Variants in WDFY2 observed in about 807,000 individuals in gnomAD.
WDFY2 encodes the protein WD repeat and FYVE domain containing 2.
In WDFY2, 36 loss-of-function variants were observed where a neutral mutation model predicts 56.4. That is an observed-to-expected ratio of 0.64 (90% confidence interval 0.49 to 0.84). WDFY2 has a LOEUF of 0.84. Ranked by LOEUF, WDFY2 falls within the 40% of genes least tolerant of loss-of-function variation. WDFY2 has a pLI of 0.00. For synonymous variants in WDFY2, 176 were observed against 183.7 expected, an observed-to-expected ratio of 0.96 and a Z score of 0.34; for missense variants, 444 against 512.2, an observed-to-expected ratio of 0.87 and a Z score of 1.29.
At chr13:51,734,496 T>G (rs1379256939) in intron 6 of WDFY2, among the ~76,000 whole-genome samples, 4 of 152,210 alleles carry the variant, frequency 2.6e-5, no homozygotes, top group Non-Finnish European at 5.9e-5. Flanking sequence ...GTAGTATACA[T>G]TGTATAATTA....
At chr13:51,669,679 T>C (rs992425639) in intron 2 of WDFY2, among the ~76,000 whole-genome samples, 19 of 152,102 alleles carry the variant, frequency 1.2e-4, no homozygotes, top group African/African-American at 3.9e-4. Context: ...TTGGGGAAAA[T>C]ATAGGAAGCT....
chr13:51,704,194 C>G (rs886339192), intron 4 of WDFY2, among the ~76,000 whole-genome samples: 1 of 152,150 alleles, frequency 6.6e-6, no homozygotes, highest in African/African-American at 2.4e-5. Context: ...TCTTGACTCG[C>G]CTTTAATGAG....
rs978101999 is a variant in WDFY2 at position 51,669,721 on chromosome 13, G to A, written c.206-5449G>A. Among the ~76,000 whole-genome samples, 9 of 152,116 alleles carry A rather than the reference G, an allele frequency of 5.9e-5. No individual in the cohort carries two copies. In the East Asian group the frequency reaches 1.7e-3, roughly 29 times the overall value. Reference sequence around the variant, plus strand: ...TAACATCAACAAAACCAGTAGCAAGGCCTTGAATTTCAGTTATTGGGTTAG... The same window carrying A: ...TAACATCAACAAAACCAGTAGCAAGACCTTGAATTTCAGTTATTGGGTTAG... On this transcript the variant is annotated intron_variant, in intron 2 of 11. Transcript: ENST00000298125.
chr13:51,650,151 T>A (rs1955346422), intron 1 of WDFY2, among the ~76,000 whole-genome samples: 1 of 152,048 alleles, frequency 6.6e-6, no homozygotes, highest in Admixed American at 6.5e-5. Context: ...GTAAGTTGGA[T>A]TCCTAGGTAT....
chr13:51,758,884 G>A (rs1268748644), intron 11 of WDFY2, among the ~76,000 whole-genome samples: 1 of 152,144 alleles, frequency 6.6e-6, no homozygotes, highest in Non-Finnish European at 1.5e-5. Flanking sequence ...TTGAGAGGAA[G>A]TTTAAAATAA....
intron 3 of WDFY2, among the ~76,000 whole-genome samples, chr13:51,698,181 T>C (rs1951915682): frequency 6.6e-6 from 1 of 152,216 alleles, no homozygotes; most frequent in South Asian, 2.1e-4. Context: ...CTTTGCTATC[T>C]TTAAACCAGA....
chr13:51,714,089 T>G (rs531705302), intron 4 of WDFY2, among the ~76,000 whole-genome samples: 1 of 152,042 alleles, frequency 6.6e-6, no homozygotes, highest in African/African-American at 2.4e-5. Flanking sequence ...AACTGTATAC[T>G]TCAGTTGTAA....
At chr13:51,711,319 C>T (rs1479610418) in intron 4 of WDFY2, among the ~76,000 whole-genome samples, 1 of 152,258 alleles carries the variant, frequency 6.6e-6, no homozygotes, top group East Asian at 1.9e-4. Flanking sequence ...AACGTTAGAC[C>T]TAAAACCATA....
At chr13:51,678,910 C>T (rs182715070) in intron 3 of WDFY2, among the ~76,000 whole-genome samples, 8 of 152,016 alleles carry the variant, frequency 5.3e-5, no homozygotes, top group Admixed American at 3.3e-4. Flanking sequence ...TCCCTGAATA[C>T]GAACTGGATT....
chr13:51,699,193 C>G (rs1183905287), intron 3 of WDFY2, among the ~76,000 whole-genome samples: 2 of 152,168 alleles, frequency 1.3e-5, no homozygotes, highest in African/African-American at 4.8e-5. Context: ...GGTGGTACAA[C>G]TTTCTACACG....
chr13:51,607,244 C>G (rs1954400205), intron 1 of WDFY2, among the ~76,000 whole-genome samples: 1 of 152,138 alleles, frequency 6.6e-6, no homozygotes. Context: ...AGTGAGTTGT[C>G]TAGGGGAGGC....
At chr13:51,663,557 G>A (rs976758587) in intron 2 of WDFY2, among the ~76,000 whole-genome samples, 2 of 152,136 alleles carry the variant, frequency 1.3e-5, no homozygotes, top group Admixed American at 6.5e-5. Flanking sequence ...GGAATCTTAC[G>A]CATTCAGATG....
intron 4 of WDFY2, among the ~76,000 whole-genome samples, chr13:51,713,309 T>C (rs546523011): frequency 2.0e-5 from 3 of 152,326 alleles, no homozygotes; most frequent in African/African-American, 7.2e-5. Context: ...TAATACAGTG[T>C]CGGATTAACA....
At chr13:51,705,599 G>A (rs1330530962) in intron 4 of WDFY2, among the ~76,000 whole-genome samples, 1 of 150,580 alleles carries the variant, frequency 6.6e-6, no homozygotes, top group African/African-American at 2.4e-5. Flanking sequence ...TAATTTTTAT[G>A]GGTAGATAGT....
chr13:51,660,547 C>T (rs373191101), intron 1 of WDFY2, 49 bp from the exon 2 acceptor site: 2 of 1,567,990 alleles, frequency 1.3e-6, no homozygotes, highest in Admixed American at 1.7e-5. Flanking sequence ...AGCATTTTCC[C>T]ATGGCTAAGA....
At chr13:51,666,724 ACTCT>A (rs1396749445) in intron 2 of WDFY2, among the ~76,000 whole-genome samples, 3 of 148,618 alleles carry the variant, frequency 2.0e-5, no homozygotes, top group Non-Finnish European at 4.5e-5. Flanking sequence ...ACACACACAC[ACTCT>A]CTCTCTCTCT....
intron 1 of WDFY2, chr13:51,587,909 T>TA (rs1953974922): frequency 6.6e-6 from 1 of 152,188 alleles, no homozygotes; most frequent in Non-Finnish European, 1.5e-5. Flanking sequence ...CAAGAGTGGA[T>TA]AAAAATTCTT....
intron 4 of WDFY2, 105 bp from the exon 5 acceptor site, chr13:51,719,093 C>T: frequency 6.7e-6 from 10 of 1,502,860 alleles, no homozygotes; most frequent in Non-Finnish European, 9.1e-6. Context: ...TGCTGTTCAG[C>T]TTATTCTGGG....
intron 7 of WDFY2, among the ~76,000 whole-genome samples, chr13:51,746,058 T>G (rs1278386183): frequency 6.9e-5 from 10 of 144,256 alleles, no homozygotes; most frequent in East Asian, 2.2e-4. Context: ...CTCACTGCAA[T>G]CTCCACCTCC....
Sources: allele counts gnomAD v4.1 joint callset (sites outside exome capture counted in the v4.1 genomes callset), GRCh38; gene constraint gnomAD v4.1.1; transcripts MANE v1.5; gene names NCBI Gene and HGNC (gene_info 2026-07-23, HGNC 2026-07-21).